The following LAMP1 variants were observed in gnomAD, a reference collection of about 807,000 sequenced individuals.
LAMP1 encodes the protein lysosome associated membrane protein 1, also known as lysosome-associated membrane glycoprotein 1.
In LAMP1, 7 loss-of-function variants were observed where a neutral mutation model predicts 37.5. That is an observed-to-expected ratio of 0.19 (90% CI 0.11 to 0.35). The LOEUF (loss-of-function observed/expected upper bound fraction) is 0.35, where lower values mean the gene tolerates loss of function less well. Among genes scored for constraint, LAMP1 ranks in the 10% least tolerant of loss-of-function variants. The pLI is 1.00. For missense variants in LAMP1, 537 were observed against 552.8 expected (o/e 0.97, Z 0.29); for synonymous variants, 236 against 229.1 (o/e 1.03, Z -0.27).
rs753635721 is a variant in LAMP1, at chr13:113,321,410, A to G, written c.883A>G (p.Ser295Gly). 8.7e-6 allele frequency: 14 copies of G among 1,613,408 alleles called. No individual in the cohort carries two copies. The highest frequency in any genetic ancestry group is 1.3e-5 in the African/African-American group (1 of 74,894). Residue 295 changes from serine (S) to glycine (G), a missense_variant, in exon 7 of 9, where the codon AGT becomes GGT. By Grantham distance (56) the Ser-to-Gly change is moderately conservative. Transcript: ENST00000332556. This position sits in a 1 kb window ranked among gnomAD's most constrained non-coding sequence, Gnocchi z 5.6. Reference protein sequence around the residue: ...VLLFQFGMNASSSRFFLQGIQ... With the variant: ...VLLFQFGMNAGSSRFFLQGIQ... The stretch of plus-strand genomic sequence containing the variant: ...GATCATTTTTCTTTTTAAGAATGCA[A>G]GTTCTAGCCGGTTTTTCCTACAAGG...
intron 1 of LAMP1, among the ~76,000 whole-genome samples, chr13:113,301,415 G>A (rs1363340924): frequency 6.6e-6 from 1 of 151,860 alleles, no homozygotes; most frequent in Non-Finnish European, 1.5e-5. Flanking sequence ...GAGCTCAGGA[G>A]TTCGAGACCA....
chr13:113,301,053 C>T (rs1277312264), intron 1 of LAMP1, among the ~76,000 whole-genome samples: 1 of 152,194 alleles, frequency 6.6e-6, no homozygotes, highest in African/African-American at 2.4e-5. Flanking sequence ...TGTTCGGCTG[C>T]ACTGGGATTA....
Position 113,306,347 on chromosome 13 carries a change from C to G in LAMP1, c.62-138C>G, listed in dbSNP as rs1042864922. On this transcript the variant is annotated intron_variant, in intron 1 of 8. Transcript: ENST00000332556. ...ACCCCAGCCTGGCGACAGTGAGACTCCGTCTCAAAAAAAAAAAAAGAGAAA... is the reference window on the plus strand; with the variant it reads ...ACCCCAGCCTGGCGACAGTGAGACTGCGTCTCAAAAAAAAAAAAAGAGAAA... 6 of 870,168 alleles carry G rather than the reference C, an allele frequency of 6.9e-6. No individual in the cohort carries two copies. The African/African-American group carries it at 1.6e-4, about 23-fold the overall frequency. 53.9% of individuals were successfully genotyped at this position (870,168 alleles called of 1,614,324 possible). A position where few individuals can be genotyped will look rare whatever the true frequency, so the allele number is the denominator to read the frequency against.
rs2042716947 is a variant in LAMP1, at chr13:113,323,247, TTTTA to T, written c.*830_*833del. The T allele has an allele frequency of 6.6e-6, 1 of 152,088 alleles. No individual in the cohort carries two copies. The allele number at this position is 152,088 out of a possible 1,614,324, so 9.4% of individuals were successfully genotyped here. A position where few individuals can be genotyped will look rare whatever the true frequency, so the allele number is the denominator to read the frequency against. ...ATATAAAAATGGGTGTTATTTTTAT[TTTTA>T]TTTGTAAAGTGATTTTTGGTCTTCT... is the stretch of plus-strand genomic sequence containing the variant. On this transcript the variant is annotated 3_prime_UTR_variant, in exon 9 of 9. Coordinates refer to ENST00000332556, the MANE Select transcript of LAMP1 (RefSeq NM_005561.4).
Position 113,297,460 on chromosome 13 carries a change from G to T in LAMP1, c.26G>T (p.Arg9Leu), listed in dbSNP as rs1268749407. 8.3e-7 allele frequency: 1 copy of T among 1,203,714 alleles called. No individual in the cohort carries two copies. Among genetic ancestry groups the T allele is most frequent in the Non-Finnish European group, 1.0e-6 (1 of 954,570 alleles). The allele number at this position is 1,203,714 out of a possible 1,614,324, so 74.6% of individuals were successfully genotyped here. Residue 9 changes from arginine (R) to leucine (L), a missense_variant, in exon 1 of 9, where the codon CGA (arginine) becomes CTA (leucine). Physicochemically the swap from Arg to Leu is moderately radical, Grantham distance 102. Transcript: ENST00000332556. The surrounding 1 kb of genome is among the most constrained non-coding windows in gnomAD (Gnocchi z 4.4). The stretch of plus-strand genomic sequence containing the variant: ...ATGGCGGCCCCCGGCAGCGCCCGGC[G>T]ACCCCTGCTGCTGCTACTGCTGTTG... MAAPGSAR[R>L]PLLLLLLLLL...
intron 1 of LAMP1, among the ~76,000 whole-genome samples, chr13:113,300,031 G>A (rs1231072147): frequency 6.6e-6 from 1 of 152,174 alleles, no homozygotes; most frequent in Non-Finnish European, 1.5e-5. Context: ...AAGCTACTGT[G>A]TTTGAATACT....
chr13:113,312,779 G>A lies in LAMP1; in HGVS notation c.562+1912G>A, dbSNP rs555825976. Among the ~76,000 whole-genome samples, 12 of 152,258 alleles carry A rather than the reference G, an allele frequency of 7.9e-5. No homozygotes were observed. The South Asian group carries it at 2.1e-3, about 26-fold the overall frequency. On this transcript the variant is annotated intron_variant, in intron 4 of 8. Coordinates refer to ENST00000332556, the MANE Select transcript of LAMP1 (RefSeq NM_005561.4). The stretch of plus-strand genomic sequence containing the variant: ...ACATGGGCCGCGTGTGTCTGAGGAC[G>A]GACGCCTGGCAGCCTGTCTAGGTGT...
chr13:113,299,012 C>T (rs892893089), intron 1 of LAMP1, among the ~76,000 whole-genome samples: 8 of 152,068 alleles, frequency 5.3e-5, no homozygotes, highest in Admixed American at 3.3e-4. Flanking sequence ...TGGTGGCGCA[C>T]GCCTGTAATC....
chr13:113,322,352 G>GGTCCTCATC lies in LAMP1; in HGVS notation c.1196_1204dup (p.Val399_Ile401dup), dbSNP rs752470637. 3 of 1,613,418 alleles carry GGTCCTCATC rather than the reference G, an allele frequency of 1.9e-6. No homozygotes were observed. The highest frequency in any genetic ancestry group is 2.5e-6 in the Non-Finnish European group (3 of 1,179,702). ...CTGTGGGTGGTGCCCTGGCGGGGCT[G>GGTCCTCATC]GTCCTCATCGTCCTCATCGCCTACC... On this transcript the variant is annotated inframe_insertion, in exon 9 of 9. Coordinates refer to ENST00000332556, the MANE Select transcript of LAMP1 (RefSeq NM_005561.4).
chr13:113,314,886 T>G (rs1395240478), intron 4 of LAMP1, among the ~76,000 whole-genome samples: 1 of 111,880 alleles, frequency 8.9e-6, no homozygotes, highest in African/African-American at 3.7e-5. Context: ...GCCTGGGGCG[T>G]GGCCTCCTAG....
intron 4 of LAMP1, among the ~76,000 whole-genome samples, chr13:113,312,853 T>C (rs945736411): frequency 2.6e-5 from 4 of 152,194 alleles, no homozygotes; most frequent in Non-Finnish European, 4.4e-5. Flanking sequence ...TAACTTCAGC[T>C]AGGGGCAGTG....
chr13:113,300,080 A>G (rs1324810107), intron 1 of LAMP1, among the ~76,000 whole-genome samples: 2 of 152,228 alleles, frequency 1.3e-5, no homozygotes, highest in Non-Finnish European at 2.9e-5. Flanking sequence ...GTCCTGATAG[A>G]TAGGATTAGC....
At chr13:113,300,886 G>A (rs1217907338) in intron 1 of LAMP1, among the ~76,000 whole-genome samples, 3 of 152,138 alleles carry the variant, frequency 2.0e-5, no homozygotes, top group South Asian at 2.1e-4. Flanking sequence ...TCAGTTATGC[G>A]GTGGAAAGAA....
rs895223366 is a variant in LAMP1, at chr13:113,320,347, G to A, written c.753G>A (p.Thr251=). 4.3e-6 allele frequency: 7 copies of A among 1,614,004 alleles called. No individual in the cohort carries two copies. Among genetic ancestry groups the A allele is most frequent in the African/African-American group, 4.0e-5 (3 of 75,024 alleles). Residue 251 remains threonine, a splice_region_variant and synonymous_variant, in exon 6 of 9, where the codon ACG becomes ACA. Transcript: ENST00000332556. The surrounding 1 kb of genome is among the most constrained non-coding windows in gnomAD (Gnocchi z 4.4). Reference sequence around the variant, plus strand: ...ACTTGCTTGCTTGTCTTATGCAGACGGTGACAAGGCTTCTCAACATCAACC... The same window carrying A: ...ACTTGCTTGCTTGTCTTATGCAGACAGTGACAAGGCTTCTCAACATCAACC... ...NLTYERKDNT[T]VTRLLNINPN... is the part of the protein sequence containing the mutation.
In LAMP1 at chr13:113,297,661, C is replaced by T. The variant is rs1249868079; in HGVS notation, c.61+166C>T. On this transcript the variant is annotated intron_variant, in intron 1 of 8. Coordinates refer to ENST00000332556, the MANE Select transcript of LAMP1 (RefSeq NM_005561.4). This position sits in a 1 kb window ranked among gnomAD's most constrained non-coding sequence, Gnocchi z 4.4. ...CGCGGGCGGGTGTTTCTCTCGGGGT[C>T]GTAGGGTCGGAGCGGAGCTCAATGG... 6.6e-6 allele frequency among the ~76,000 whole-genome samples: 1 copy of T among 152,086 alleles called. No individual in the cohort carries two copies. Among genetic ancestry groups the T allele is most frequent in the Non-Finnish European group, 1.5e-5 (1 of 68,016 alleles).
chr13:113,299,617 G>A (rs1031106554), intron 1 of LAMP1, among the ~76,000 whole-genome samples: 6 of 145,276 alleles, frequency 4.1e-5, no homozygotes, highest in African/African-American at 1.5e-4. Flanking sequence ...CACCCAGGCT[G>A]GAGTGCAGTG....
rs561610818 is a variant in LAMP1 at position 113,298,052 on chromosome 13, G to A, written c.61+557G>A. On this transcript the variant is annotated intron_variant, in intron 1 of 8. Coordinates refer to ENST00000332556, the MANE Select transcript of LAMP1 (RefSeq NM_005561.4). ...GTGGAGGAGATGCGAGTGTATTTATGTTATTGTGAATTCACATGTATGTTA... is the reference window on the plus strand; with the variant it reads ...GTGGAGGAGATGCGAGTGTATTTATATTATTGTGAATTCACATGTATGTTA... Among the ~76,000 whole-genome samples, 7 of 152,302 alleles carry A rather than the reference G, an allele frequency of 4.6e-5. 1 individual carries two copies. Among genetic ancestry groups the A allele is most frequent in the African/African-American group, 1.4e-4 (6 of 41,578 alleles).
intron 4 of LAMP1, 84 bp from the exon 5 acceptor site, chr13:113,319,385 T>A: frequency 2.4e-6 from 3 of 1,270,584 alleles, no homozygotes; most frequent in Non-Finnish European, 3.3e-6. Context: ...ACAGATGTAG[T>A]TTTGTTTCTG....
chr13:113,305,822 C>T (rs576758962), intron 1 of LAMP1: 81 of 152,344 alleles, frequency 5.3e-4, no homozygotes, highest in African/African-American at 1.9e-3. Flanking sequence ...GCCTTCAAGG[C>T]ACCACGTCTT....
Sources: gnomAD v4.1 joint callset for allele counts (sites outside exome capture counted in the v4.1 genomes callset) on GRCh38, gnomAD v4.1.1 for gene constraint, Gnocchi (gnomAD v3.1) non-coding constraint, MANE v1.5 for transcripts, NCBI Gene and HGNC (gene_info 2026-07-23, HGNC 2026-07-21) for gene names.